The following PARD3B variants were observed in gnomAD, a reference collection of about 807,000 sequenced individuals.
PARD3B encodes par-3 family cell polarity regulator beta.
PARD3B carries 103 observed loss-of-function variants against 130.2 expected under a neutral mutation model. The ratio of observed to expected loss-of-function variants is 0.79; its 90% CI spans 0.67 to 0.93. PARD3B has a LOEUF of 0.93. Among genes scored for constraint, PARD3B ranks in the 40% least tolerant of loss-of-function variants. The pLI, the probability that PARD3B is intolerant of heterozygous loss-of-function variation, is 0.00. For synonymous variants in PARD3B, 583 were observed against 553.2 expected (o/e 1.05, Z -0.76); for missense variants, 1,609 against 1,499.2 (o/e 1.07, Z -1.21).
At position 205,274,255 on chromosome 2, in the gene PARD3B, G is replaced by A. The variant is rs1349823113; in HGVS notation, c.2186-26275G>A. 1.3e-5 allele frequency among the ~76,000 whole-genome samples: 2 copies of A among 151,806 alleles called. No homozygotes were observed. Among genetic ancestry groups the A allele is most frequent in the Non-Finnish European group, 2.9e-5 (2 of 67,956 alleles). ...ACTCTTTATTTCTTTGTGTGAATAGGCAACATGTTTACCTCCCTTCACTAT... is the reference window on the plus strand; with the variant it reads ...ACTCTTTATTTCTTTGTGTGAATAGACAACATGTTTACCTCCCTTCACTAT... On this transcript the variant is annotated intron_variant, in intron 16 of 22. Coordinates refer to ENST00000406610, the MANE Select transcript of PARD3B (RefSeq NM_001302769.2). The surrounding 1 kb of genome is among the most constrained non-coding windows in gnomAD (Gnocchi z 4.2).
Position 205,201,723 on chromosome 2 carries a change from G to A in PARD3B, c.2140+8403G>A, listed in dbSNP as rs111271927. ...GTGGTGGCCCATGCCTGTAATCCCA[G>A]CTACTTGGGAGGCTGAGGCAGGAGA... is the stretch of plus-strand genomic sequence containing the variant. On this transcript the variant is annotated intron_variant, in intron 15 of 22. Coordinates refer to ENST00000406610, the MANE Select transcript of PARD3B (RefSeq NM_001302769.2). 7.7e-3 allele frequency among the ~76,000 whole-genome samples: 1,173 copies of A among 152,296 alleles called. 16 individuals carry two copies. Among genetic ancestry groups the A allele is most frequent in the Middle Eastern group, 0.014 (4 of 294 alleles).
chr2:204,702,644 G>A (rs976663659), intron 2 of PARD3B, among the ~76,000 whole-genome samples: 2 of 151,874 alleles, frequency 1.3e-5, no homozygotes, highest in African/African-American at 2.4e-5. Context: ...GCAGGATCTC[G>A]GCTCATTGCA....
chr2:205,073,963 A>T (rs879398167), intron 4 of PARD3B, among the ~76,000 whole-genome samples: 7 of 152,168 alleles, frequency 4.6e-5, no homozygotes. Flanking sequence ...ATTCCTCTTT[A>T]TCTTATTAAC....
intron 6 of PARD3B, among the ~76,000 whole-genome samples, chr2:205,113,987 G>T (rs898299521): frequency 6.6e-6 from 1 of 151,984 alleles, no homozygotes; most frequent in African/African-American, 2.4e-5. Context: ...CAAGTATGTA[G>T]CATTTAGAAT....
chr2:204,562,042 C>G (rs184067811), intron 1 of PARD3B, among the ~76,000 whole-genome samples: 12 of 152,300 alleles, frequency 7.9e-5, no homozygotes, highest in Admixed American at 3.3e-4. Context: ...GCCTGCATGA[C>G]TCAGTATCTA....
chr2:204,734,987 GA>G (rs945101941), intron 2 of PARD3B, among the ~76,000 whole-genome samples: 11 of 150,942 alleles, frequency 7.3e-5, no homozygotes, highest in African/African-American at 2.7e-4. Flanking sequence ...ATGAAAAAAG[GA>G]AAAAAGGAAA....
At position 204,863,681 on chromosome 2, in the gene PARD3B, C is replaced by T. The variant is rs574678843; in HGVS notation, c.223-101471C>T. Among the ~76,000 whole-genome samples, 10 of 152,230 alleles carry T rather than the reference C, an allele frequency of 6.6e-5. No individual in the cohort carries two copies. In the South Asian group the frequency reaches 1.0e-3, roughly 16 times the overall value. On this transcript the variant is annotated intron_variant, in intron 2 of 22. Coordinates refer to ENST00000406610, the MANE Select transcript of PARD3B (RefSeq NM_001302769.2). ...GGTAAGACAGTCCATTTGTAGTTTG[C>T]GAATGGCCTTTAGGCCATATAGATA... is the stretch of plus-strand genomic sequence containing the variant.
At chr2:204,667,967 T>C (rs2036102545) in intron 1 of PARD3B, among the ~76,000 whole-genome samples, 1 of 152,146 alleles carries the variant, frequency 6.6e-6, no homozygotes, top group South Asian at 2.1e-4. Context: ...AGTTAAAACA[T>C]TGGTGATTCT....
At chr2:205,178,160 A>G (rs1298402393) in intron 13 of PARD3B, among the ~76,000 whole-genome samples, 2 of 147,868 alleles carry the variant, frequency 1.4e-5, no homozygotes, top group African/African-American at 4.9e-5. Context: ...AAAAAAAAAA[A>G]AAAAAAAAAA....
rs751571429 is a variant in PARD3B at position 205,104,505 on chromosome 2, A to G, written c.584A>G (p.Asp195Gly). 5 of 1,545,344 alleles carry G rather than the reference A, an allele frequency of 3.2e-6. No individual in the cohort carries two copies. Among genetic ancestry groups the G allele is most frequent in the South Asian group, 1.1e-5 (1 of 89,526 alleles). Residue 195 changes from aspartate (D) to glycine (G), a missense_variant, in exon 5 of 23, where the codon GAC (aspartate) becomes GGC (glycine). Transcript: ENST00000406610. ...TELLTSPRTKDTLSDMTRTVE... is the reference protein window; with the variant it reads ...TELLTSPRTKGTLSDMTRTVE... Reference sequence around the variant, plus strand: ...CTACTAACTTCGCCAAGAACTAAGGACACATTGAGGTATTCTCTTTATACA... The same window carrying G: ...CTACTAACTTCGCCAAGAACTAAGGGCACATTGAGGTATTCTCTTTATACA...
intron 2 of PARD3B, among the ~76,000 whole-genome samples, chr2:204,727,249 C>T (rs2039278004): frequency 2.0e-5 from 3 of 152,140 alleles, no homozygotes. Flanking sequence ...ACACATGTTT[C>T]ATTCTCTTTG....
intron 3 of PARD3B, among the ~76,000 whole-genome samples, chr2:205,041,099 G>A (rs1250083632): frequency 6.6e-6 from 1 of 152,040 alleles, no homozygotes; most frequent in African/African-American, 2.4e-5. Context: ...TTTTGCATGC[G>A]ATGCCATTAA....
At chr2:205,216,393 G>A (rs997182991) in intron 15 of PARD3B, among the ~76,000 whole-genome samples, 13 of 152,130 alleles carry the variant, frequency 8.5e-5, no homozygotes, top group African/African-American at 3.1e-4. Flanking sequence ...AGAAAGTTTG[G>A]CAAAATGTTA....
chr2:205,318,682 G>A (rs555677006), intron 18 of PARD3B, among the ~76,000 whole-genome samples: 6 of 152,102 alleles, frequency 3.9e-5, no homozygotes, highest in South Asian at 4.2e-4. Context: ...TGTTAAAAAC[G>A]AGCAAAGGTG....
At chr2:205,487,622 G>A (rs936243868) in intron 20 of PARD3B, among the ~76,000 whole-genome samples, 1 of 152,140 alleles carries the variant, frequency 6.6e-6, no homozygotes, top group Non-Finnish European at 1.5e-5. Context: ...TGGTATTCCA[G>A]GATCTCTTGG....
At chr2:205,475,997 A>G (rs1405780639) in intron 20 of PARD3B, among the ~76,000 whole-genome samples, 1 of 152,180 alleles carries the variant, frequency 6.6e-6, no homozygotes, top group African/African-American at 2.4e-5. Flanking sequence ...TACACAGGAA[A>G]ATAGATTATC....
intron 5 of PARD3B, among the ~76,000 whole-genome samples, chr2:205,110,189 C>T (rs984910046): frequency 3.3e-5 from 5 of 152,190 alleles, no homozygotes; most frequent in African/African-American, 1.2e-4. Context: ...GTTCAGTAAT[C>T]TTAGTGTTAA....
chr2:205,017,510 C>T (rs1057271795), intron 3 of PARD3B, among the ~76,000 whole-genome samples: 2 of 151,998 alleles, frequency 1.3e-5, no homozygotes, highest in African/African-American at 2.4e-5. Flanking sequence ...ACCTCAAATT[C>T]TGAGGTCATC....
intron 20 of PARD3B, among the ~76,000 whole-genome samples, chr2:205,498,016 A>AACACACACACACACAC (rs57531393): frequency 0.011 from 1,562 of 142,002 alleles, 25 homozygotes; most frequent in Middle Eastern, 0.014. Context: ...GTCTCTACTA[A>AACACACACACACACAC]ACACACACAC....
Sources: allele counts gnomAD v4.1 joint callset (sites outside exome capture counted in the v4.1 genomes callset), GRCh38; gene constraint gnomAD v4.1.1; non-coding constraint Gnocchi (gnomAD v3.1); transcripts MANE v1.5; gene names NCBI Gene and HGNC (gene_info 2026-07-23, HGNC 2026-07-21).